Variants in AFG3L2 observed in about 807,000 individuals in gnomAD.
AFG3L2 encodes AFG3 like matrix AAA peptidase subunit 2, also known as mitochondrial inner membrane m-AAA protease component AFG3L2.
Under a neutral mutation model 94.5 loss-of-function variants are expected in AFG3L2, and 54 were observed. That is an observed-to-expected ratio of 0.57 (90% CI 0.46 to 0.72). AFG3L2 has a LOEUF of 0.72. Ranked by LOEUF, AFG3L2 falls within the 30% of genes least tolerant of loss-of-function variation. The pLI, the probability that AFG3L2 is intolerant of heterozygous loss-of-function variation, is 0.00. For missense variants in AFG3L2, 754 were observed against 994.9 expected (o/e 0.76, Z 3.26); for synonymous variants, 377 against 365.5 (o/e 1.03, Z -0.36).
intron 9 of AFG3L2, among the ~76,000 whole-genome samples, chr18:12,354,243 C>T (rs941756830): frequency 1.3e-5 from 2 of 151,300 alleles, no homozygotes; most frequent in Non-Finnish European, 2.9e-5. Context: ...TGGTATCCTT[C>T]TCCAGCCTCC....
chr18:12,364,257 A>G (rs998555216), intron 5 of AFG3L2, among the ~76,000 whole-genome samples: 3 of 152,234 alleles, frequency 2.0e-5, no homozygotes, highest in African/African-American at 7.2e-5. Flanking sequence ...TCCGTGCTGC[A>G]GGGTACGCCA....
chr18:12,333,315 A>T (rs1487738376), intron 16 of AFG3L2, among the ~76,000 whole-genome samples: 1 of 130,924 alleles, frequency 7.6e-6, no homozygotes, highest in Admixed American at 9.3e-5. Flanking sequence ...ATATATTATA[A>T]ATATATAATA....
Position 12,365,975 on chromosome 18 carries a change from C to T in AFG3L2, c.552+990G>A, listed in dbSNP as rs565026368. On this transcript the variant is annotated intron_variant, in intron 5 of 16. Coordinates refer to ENST00000269143, the MANE Select transcript of AFG3L2 (RefSeq NM_006796.3). Reference sequence around the variant, plus strand: ...CTGCAAGCTCCGCCTCCCGGGTTCACGCCATTCTCCTGCCTCAGACTCCCA... The same window carrying T: ...CTGCAAGCTCCGCCTCCCGGGTTCATGCCATTCTCCTGCCTCAGACTCCCA... Among the ~76,000 whole-genome samples the T allele has an allele frequency of 2.5e-4, 37 of 150,226 alleles. No homozygotes were observed. In the East Asian group the frequency reaches 7.0e-3, roughly 28 times the overall value.
chr18:12,336,986 T>C, intron 16 of AFG3L2: 1 of 491,900 alleles, frequency 2.0e-6, no homozygotes, highest in East Asian at 2.9e-5. Context: ...CTATTTATTT[T>C]AGAGGTGAAA....
At position 12,349,690 on chromosome 18, in the gene AFG3L2, T is replaced by C. The variant is rs373394074; in HGVS notation, c.1553-1307A>G. On this transcript the variant is annotated intron_variant, in intron 12 of 16. Coordinates refer to ENST00000269143, the MANE Select transcript of AFG3L2 (RefSeq NM_006796.3). ...ATTTTTATTTTTTTGAGGTGGAGTT[T>C]TGCTCTTGTCACCCAGGCTGGAGTG... Among the ~76,000 whole-genome samples, 9 of 152,302 alleles carry C rather than the reference T, an allele frequency of 5.9e-5. No individual in the cohort carries two copies. The East Asian group carries it at 1.7e-3, about 29-fold the overall frequency.
chr18:12,339,559 A>G (rs1439797387), intron 15 of AFG3L2, among the ~76,000 whole-genome samples: 3 of 150,184 alleles, frequency 2.0e-5, no homozygotes, highest in South Asian at 4.2e-4. Context: ...GATCAAAAAA[A>G]AAAAAAAACA....
At chr18:12,368,661 C>T (rs1181805377) in intron 3 of AFG3L2, among the ~76,000 whole-genome samples, 14 of 152,058 alleles carry the variant, frequency 9.2e-5, no homozygotes, top group African/African-American at 1.2e-4. Flanking sequence ...AGTACAATGG[C>T]GTGATCTCAG....
At chr18:12,343,722 C>T (rs755871630) in intron 14 of AFG3L2, 9 of 223,462 alleles carry the variant, frequency 4.0e-5, no homozygotes, top group Non-Finnish European at 6.3e-5. Flanking sequence ...CTGGGATTTT[C>T]CTGTTAAATT....
intron 14 of AFG3L2, chr18:12,342,430 T>C (rs1376873441): frequency 1.3e-5 from 2 of 152,256 alleles, no homozygotes; most frequent in Non-Finnish European, 2.9e-5. Context: ...AAGAGTTCTT[T>C]ACAGGTTCTA....
At chr18:12,340,064 T>C (rs904677057) in intron 15 of AFG3L2, 137 bp downstream of exon 15, 2 of 834,632 alleles carry the variant, frequency 2.4e-6, no homozygotes, top group South Asian at 2.8e-5. Context: ...GCTTTACTTC[T>C]TTTAAGAGAT....
intron 16 of AFG3L2, among the ~76,000 whole-genome samples, chr18:12,333,239 T>C (rs1188283508): frequency 6.3e-5 from 8 of 126,354 alleles, no homozygotes; most frequent in African/African-American, 2.4e-4. Context: ...ATATGATATA[T>C]AATTATATAA....
intron 4 of AFG3L2, 41 bp from the exon 5 acceptor site, chr18:12,367,158 C>T: frequency 6.2e-7 from 1 of 1,613,814 alleles, no homozygotes; most frequent in Non-Finnish European, 8.5e-7. Flanking sequence ...GAATGAAATT[C>T]CACAATACGA....
intron 10 of AFG3L2, among the ~76,000 whole-genome samples, chr18:12,352,274 T>A (rs1296685732): frequency 6.6e-6 from 1 of 152,218 alleles, no homozygotes. Flanking sequence ...CAACAGGGGC[T>A]GACCATCGCG....
chr18:12,351,211 C>A lies in AFG3L2; in HGVS notation c.1427-1G>T. ...GCTCTTCCTTTTATGTCTGGTGGTC[C>A]TTTAGAAATCATTTTTAAGGAAAAG... On this transcript the variant is annotated splice_acceptor_variant, in intron 11 of 16. Transcript: ENST00000269143. LOFTEE classifies it high-confidence loss of function. 6.2e-7 allele frequency: 1 copy of A among 1,614,016 alleles called. No individual in the cohort carries two copies.
chr18:12,335,719 G>A lies in AFG3L2; in HGVS notation c.2175+1622C>T, dbSNP rs564650925. On this transcript the variant is annotated intron_variant, in intron 16 of 16. Coordinates refer to ENST00000269143, the MANE Select transcript of AFG3L2 (RefSeq NM_006796.3). ...TTCCTTCCCCTTCCTTCAGCTCTATGACCTGCTCATCCTTCTGGGTACCTC... is the reference window on the plus strand; with the variant it reads ...TTCCTTCCCCTTCCTTCAGCTCTATAACCTGCTCATCCTTCTGGGTACCTC... Among the ~76,000 whole-genome samples, 5 of 152,234 alleles carry A rather than the reference G, an allele frequency of 3.3e-5. No individual in the cohort carries two copies. In the East Asian group the frequency reaches 9.7e-4, roughly 29 times the overall value.
intron 6 of AFG3L2, among the ~76,000 whole-genome samples, chr18:12,360,428 C>T (rs908919580): frequency 9.2e-5 from 14 of 152,288 alleles, no homozygotes; most frequent in African/African-American, 3.4e-4. Context: ...TACTGTGAAA[C>T]AGGGATAAGA....
Position 12,329,375 on chromosome 18 carries a change from G to A in AFG3L2, c.*190C>T, listed in dbSNP as rs936834841. ...AGTGTGCATTTCCCTCAAGGCCTCC[G>A]GAAAGTCACCTGCCACCCACTGTGA... is the stretch of plus-strand genomic sequence containing the variant. On this transcript the variant is annotated 3_prime_UTR_variant, in exon 17 of 17. Coordinates refer to ENST00000269143, the MANE Select transcript of AFG3L2 (RefSeq NM_006796.3). 8.4e-5 allele frequency: 58 copies of A among 690,392 alleles called. No homozygotes were observed. Among genetic ancestry groups the A allele is most frequent in the African/African-American group, 5.3e-5 (3 of 56,432 alleles). The allele number at this position is 690,392 out of a possible 1,614,324, so 42.8% of individuals were successfully genotyped here.
At chr18:12,363,904 G>C in intron 5 of AFG3L2, 48 bp from the exon 6 acceptor site, 1 of 1,347,688 alleles carries the variant, frequency 7.4e-7, no homozygotes. Flanking sequence ...GAAAATACTT[G>C]AGATACTCTT....
chr18:12,352,095 G>A (rs553745039), intron 10 of AFG3L2, among the ~76,000 whole-genome samples: 1 of 152,254 alleles, frequency 6.6e-6, no homozygotes, highest in South Asian at 2.1e-4. Context: ...CTATCTGAAG[G>A]CAGAGATCAA....
Sources: allele counts gnomAD v4.1 joint callset (sites outside exome capture counted in the v4.1 genomes callset), GRCh38; gene constraint gnomAD v4.1.1; transcripts MANE v1.5; gene names NCBI Gene and HGNC (gene_info 2026-07-23, HGNC 2026-07-21).